MUC5B: variants seen among roughly 807,000 people sequenced by gnomAD.
MUC5B encodes the protein mucin 5B, oligomeric mucus/gel-forming.
MUC5B carries 116 observed loss-of-function variants against 376.9 expected under a neutral mutation model. The observed-to-expected ratio is 0.31, with a 90% CI of 0.26 to 0.36. The LOEUF (loss-of-function observed/expected upper bound fraction) is 0.36. Among genes scored for constraint, MUC5B ranks in the 10% least tolerant of loss-of-function variants. The pLI is 1.00. For missense variants in MUC5B, 7,165 were observed against 7,769.9 expected, an observed-to-expected ratio of 0.92 and a Z score of 2.93; for synonymous variants, 3,517 against 3,390.9, an observed-to-expected ratio of 1.04 and a Z score of -1.29.
chr11:1,225,707 T>A lies in MUC5B; in HGVS notation c.97T>A (p.Trp33Arg). Residue 33 changes from tryptophan (W) to arginine (R), a missense_variant, in exon 2 of 49, where the codon TGG (tryptophan) becomes AGG (arginine). Around this residue, in one of 31 missense-constraint regions of MUC5B, gnomAD observed 640 missense variants for 733.0 expected, o/e 0.87. Coordinates refer to ENST00000529681, the MANE Select transcript of MUC5B (RefSeq NM_002458.3). ...GACCCAGGGCCCTGTGGAGCCGAGC[T>A]GGGAGAATGCAGGGCACACCATGGA... ...AETQGPVEPS[W>R]ENAGHTMDGG... The A allele has an allele frequency of 6.2e-7, 1 of 1,605,650 alleles. No individual in the cohort carries two copies. The highest frequency in any genetic ancestry group is 8.5e-7 in the Non-Finnish European group (1 of 1,176,872).
Position 1,258,112 on chromosome 11 carries a change from C to T in MUC5B, c.16464C>T (p.Thr5488=). ...CPETVCVCNT[T]TCPQSLPVCP... ...ATCCTCCCGCAGTGTGCAACACAAC[C>T]ACCTGCCCCCAGAGCCTGCCTGTGT... Residue 5488 remains threonine (T), a synonymous_variant, in exon 42 of 49, where the codon ACC becomes ACT. Coordinates refer to ENST00000529681, the MANE Select transcript of MUC5B (RefSeq NM_002458.3). This position sits in a 1 kb window ranked among gnomAD's most constrained non-coding sequence, Gnocchi z 5.5. 3 of 1,588,544 alleles carry T rather than the reference C, an allele frequency of 1.9e-6. No individual in the cohort carries two copies. The highest frequency in any genetic ancestry group is 2.6e-6 in the Non-Finnish European group (3 of 1,169,888).
chr11:1,233,330 C>A, intron 18 of MUC5B, 62 bp downstream of exon 18: 1 of 1,448,104 alleles, frequency 6.9e-7, no homozygotes, highest in Admixed American at 2.5e-5. Flanking sequence ...CCCGCCCTCC[C>A]CGAAGGCTTC....
rs202133597 is a variant in MUC5B at position 1,245,249 on chromosome 11, G to A, written c.8369G>A (p.Gly2790Glu). 6.9e-5 allele frequency: 107 copies of A among 1,560,566 alleles called. No individual in the cohort carries two copies. The East Asian group carries it at 1.6e-3, about 23-fold the overall frequency. Residue 2790 changes from glycine to glutamate, a missense_variant, in exon 31 of 49, where the codon GGG (glycine) becomes GAG (glutamate). Coordinates refer to ENST00000529681, the MANE Select transcript of MUC5B (RefSeq NM_002458.3). Reference sequence around the variant, plus strand: ...ACCCACATCACAGAGCCTTCCACGGGGACTTCCCACACCCCAGCAGCAACC... The same window carrying A: ...ACCCACATCACAGAGCCTTCCACGGAGACTTCCCACACCCCAGCAGCAACC... ...GTTHITEPST[G>E]TSHTPAATTG...
chr11:1,261,618 G>A lies in MUC5B; in HGVS notation c.*10G>A. 1.3e-6 allele frequency: 2 copies of A among 1,595,110 alleles called. No individual in the cohort carries two copies. The highest frequency in any genetic ancestry group is 1.7e-6 in the Non-Finnish European group (2 of 1,171,756). On this transcript the variant is annotated 3_prime_UTR_variant, in exon 49 of 49. Coordinates refer to ENST00000529681, the MANE Select transcript of MUC5B (RefSeq NM_002458.3). ...GGCCACTGCTGTCTGAGAACGTTCT[G>A]CCTCCATCCCCATGCTCTGTCCACC...
At position 1,223,200 on chromosome 11, in the gene MUC5B, G is replaced by T; in HGVS notation, c.70+7G>T. 2.8e-6 allele frequency: 2 copies of T among 710,876 alleles called. No homozygotes were observed. The allele number at this position is 710,876 out of a possible 1,614,324, so 44.0% of individuals were successfully genotyped here. On this transcript the variant is annotated splice_region_variant and intron_variant, in intron 1 of 48. Coordinates refer to ENST00000529681, the MANE Select transcript of MUC5B (RefSeq NM_002458.3). The stretch of plus-strand genomic sequence containing the variant: ...CTCGTGGTGCCGCAGGCAGGTAAGA[G>T]CCCCCCACTCCGCCCCCTCTCGATG...
At position 1,223,382 on chromosome 11, in the gene MUC5B, G is replaced by A. The variant is rs547740664; in HGVS notation, c.70+189G>A. 2.9e-4 allele frequency: 198 copies of A among 683,092 alleles called. 2 individuals are homozygous for A. The highest frequency in any genetic ancestry group is 1.5e-3 in the South Asian group (97 of 66,460). The allele number at this position is 683,092 out of a possible 1,614,324, so 42.3% of individuals were successfully genotyped here. On this transcript the variant is annotated intron_variant, in intron 1 of 48. Transcript: ENST00000529681. ...GGGCCCCACGGGCTCACAGTGTCAG[G>A]AAACTCAGGGGCTGGCTTGGATGGG...
intron 14 of MUC5B, 36 bp downstream of exon 14, chr11:1,231,596 T>A (rs778083488): frequency 1.3e-6 from 2 of 1,541,686 alleles, no homozygotes; most frequent in Non-Finnish European, 8.7e-7. Context: ...GACAGGGCCA[T>A]TGGGGACGGG....
At chr11:1,225,825 C>A in intron 2 of MUC5B, 88 bp downstream of exon 2, 1 of 1,291,098 alleles carries the variant, frequency 7.7e-7, no homozygotes, top group Non-Finnish European at 1.1e-6. Context: ...CCTCTCCAAG[C>A]AGCCATGCGT....
chr11:1,247,433 C>G lies in MUC5B; in HGVS notation c.10553C>G (p.Thr3518Ser), dbSNP rs373750043. 1 of 1,609,860 alleles carries G rather than the reference C, an allele frequency of 6.2e-7. No individual in the cohort carries two copies. Residue 3518 changes from threonine to serine, a missense_variant, in exon 31 of 49, where the codon ACC (threonine) becomes AGC (serine). Physicochemically the swap from Thr to Ser is moderately conservative, Grantham distance 58. Transcript: ENST00000529681. ...TCCAGCCCTCACCCTAGCAGCAGGA[C>G]CACCGAGTCACCCCCTTCTCCAGGG... ...ALSSPHPSSR[T>S]TESPPSPGTT...
Position 1,230,817 on chromosome 11 carries a change from T to C in MUC5B, c.1471-119T>C, listed in dbSNP as rs2672807. The C allele has an allele frequency of 0.72, 886,822 of 1,239,614 alleles. 320,010 individuals carry two copies. Among genetic ancestry groups the C allele is most frequent in the East Asian group, 0.98 (38,254 of 39,136 alleles). The allele number at this position is 1,239,614 out of a possible 1,614,324, so 76.8% of individuals were successfully genotyped here. A position where few individuals can be genotyped will look rare whatever the true frequency, so the allele number is the denominator to read the frequency against. The stretch of plus-strand genomic sequence containing the variant: ...TTGCAGAGCCCACCGCAGGTCCAGG[T>C]CTGAGCTTCTCTGTGGGCTCTGTCC... On this transcript the variant is annotated intron_variant, in intron 12 of 48. Coordinates refer to ENST00000529681, the MANE Select transcript of MUC5B (RefSeq NM_002458.3).
At position 1,245,701 on chromosome 11, in the gene MUC5B, G is replaced by C; in HGVS notation, c.8821G>C (p.Gly2941Arg). 1.2e-6 allele frequency: 2 copies of C among 1,608,140 alleles called. No homozygotes were observed. The highest frequency in any genetic ancestry group is 1.7e-6 in the Non-Finnish European group (2 of 1,178,698). ...GQVVECSLDF[G>R]LVCRNREQVG... ...GGTCGTGGAATGCAGCCTGGACTTT[G>C]GCCTGGTCTGCAGGAACCGTGAGCA... is the stretch of plus-strand genomic sequence containing the variant. Residue 2941 changes from glycine to arginine, a missense_variant, in exon 31 of 49, where the codon GGC becomes CGC. Gly to Arg is a moderately radical substitution (Grantham distance 125). This residue lies in a region of MUC5B where 57 missense variants were observed against 167.2 expected (regional missense o/e 0.34). Coordinates refer to ENST00000529681, the MANE Select transcript of MUC5B (RefSeq NM_002458.3).
At chr11:1,231,862 A>G in intron 14 of MUC5B, 134 bp from the exon 15 acceptor site, 2 of 1,267,412 alleles carry the variant, frequency 1.6e-6, no homozygotes, top group Non-Finnish European at 2.2e-6. Flanking sequence ...TTATCTGCAG[A>G]GGGTTCTGGG....
rs866741551 is a variant in MUC5B, at chr11:1,242,842, C to A, written c.5962C>A (p.Leu1988Met). ...CGTTACACCCATCCCCTCTTCCTCC[C>A]TGGGCACCACCTGGACCCGCCTATC... ...TSVTPIPSSS[L>M]GTTWTRLSQT... The change falls in exon 31 of 49, where the codon CTG becomes ATG. Residue 1988 changes from leucine to methionine, a missense_variant. Leu to Met is a conservative substitution (Grantham distance 15). Transcript: ENST00000529681. 1 of 1,613,388 alleles carries A rather than the reference C, an allele frequency of 6.2e-7. No homozygotes were observed. The highest frequency in any genetic ancestry group is 1.1e-5 in the South Asian group (1 of 91,038).
chr11:1,226,976 G>C, intron 4 of MUC5B, 55 bp from the exon 5 acceptor site: 3 of 1,567,054 alleles, frequency 1.9e-6, no homozygotes, highest in Non-Finnish European at 2.6e-6. Context: ...GGGGGGTTGG[G>C]TGGGCAGGCA....
At chr11:1,227,602 C>T in intron 6 of MUC5B, 73 bp from the exon 7 acceptor site, 5 of 690,302 alleles carry the variant, frequency 7.2e-6, no homozygotes, top group South Asian at 6.3e-5. Context: ...GGCCTGGGCT[C>T]AGGAAGTGGG....
rs375377119 is a variant in MUC5B at position 1,242,710 on chromosome 11, A to G, written c.5830A>G (p.Thr1944Ala). 225 of 1,612,962 alleles carry G rather than the reference A, an allele frequency of 1.4e-4. No individual in the cohort carries two copies. The highest frequency in any genetic ancestry group is 1.8e-4 in the Non-Finnish European group (217 of 1,179,402). Residue 1944 changes from threonine (T) to alanine (A), a missense_variant, in exon 31 of 49, where the codon ACC becomes GCC. Thr to Ala is a moderately conservative substitution (Grantham distance 58, BLOSUM62 0). Around this residue, in one of 31 missense-constraint regions of MUC5B, gnomAD observed 897 missense variants for 779.6 expected, o/e 1.15. Transcript: ENST00000529681. ...TCCCAAAGTGCTGACCACCACGGCC[A>G]CCACACCCACAGTCACCAGCTCCAA... The part of the protein sequence containing the change: ...PPPKVLTTTA[T>A]TPTVTSSKAT...
At chr11:1,256,823 A>G in intron 39 of MUC5B, 52 bp downstream of exon 39, 1 of 1,432,424 alleles carries the variant, frequency 7.0e-7, no homozygotes, top group Non-Finnish European at 9.3e-7. Flanking sequence ...ACCCAAGCAC[A>G]CACAGGGTGG....
rs756370671 is a variant in MUC5B at position 1,243,507 on chromosome 11, G to A, written c.6627G>A (p.Thr2209=). The change falls in exon 31 of 49, where the codon ACG becomes ACA. Residue 2209 remains threonine (T), a synonymous_variant. Transcript: ENST00000529681. ...CCCTGCCCCCCAGCAGTCCCCACAC[G>A]GTGCGCACAGCCTGGACTTCGGCCA... is the stretch of plus-strand genomic sequence containing the variant. The part of the protein sequence containing the change: ...GRSLPPSSPH[T]VRTAWTSATS... 4.5e-5 allele frequency: 72 copies of A among 1,592,928 alleles called. 1 individual carries two copies. Among genetic ancestry groups the A allele is most frequent in the East Asian group, 3.0e-4 (13 of 43,210 alleles).
Position 1,262,003 on chromosome 11 carries a change from G to C in MUC5B, c.*395G>C, listed in dbSNP as rs755893888. ...GGGCAGACAGGCTGGTCCAGGCAAGGCCAGCTGCTGCCAGGAAGCTGCGAC... is the reference window on the plus strand; with the variant it reads ...GGGCAGACAGGCTGGTCCAGGCAAGCCCAGCTGCTGCCAGGAAGCTGCGAC... On this transcript the variant is annotated 3_prime_UTR_variant, in exon 49 of 49. Coordinates refer to ENST00000529681, the MANE Select transcript of MUC5B (RefSeq NM_002458.3). 2 of 492,780 alleles carry C rather than the reference G, an allele frequency of 4.1e-6. No homozygotes were observed. The highest frequency in any genetic ancestry group is 8.0e-6 in the Non-Finnish European group (2 of 249,624). 30.5% of individuals were successfully genotyped at this position (492,780 alleles called of 1,614,324 possible). A position where few individuals can be genotyped will look rare whatever the true frequency, so the allele number is the denominator to read the frequency against.
Sources: allele counts gnomAD v4.1 joint callset, GRCh38; gene constraint gnomAD v4.1.1; regional missense constraint gnomAD v4.1.1; non-coding constraint Gnocchi (gnomAD v3.1); transcripts MANE v1.5; gene names NCBI Gene and HGNC (gene_info 2026-07-23, HGNC 2026-07-21).